Variants in EPHA5 observed in about 807,000 individuals in gnomAD.
EPHA5 encodes EPH receptor A5.
Under a neutral mutation model 105.0 loss-of-function variants are expected in EPHA5, and 60 were observed. The ratio of observed to expected loss-of-function variants is 0.57; its 90% confidence interval spans 0.46 to 0.71. The LOEUF (loss-of-function observed/expected upper bound fraction) is 0.71. Among genes scored for constraint, EPHA5 ranks in the 30% least tolerant of loss-of-function variants. The pLI is 0.00. For synonymous variants in EPHA5, 513 were observed against 449.1 expected, an observed-to-expected ratio of 1.14 and a Z score of -1.80; for missense variants, 1,218 against 1,274.7, an observed-to-expected ratio of 0.96 and a Z score of 0.68.
chr4:65,602,422 A>G, intron 2 of EPHA5, 118 bp from the exon 3 acceptor site: 1 of 746,498 alleles, frequency 1.3e-6, no homozygotes, highest in Non-Finnish European at 2.0e-6. Flanking sequence ...TATCCTCAAT[A>G]TGTGATATTT....
chr4:65,599,348 A>AACACACACACACACAC (rs71657190), intron 3 of EPHA5, among the ~76,000 whole-genome samples: 127 of 148,676 alleles, frequency 8.5e-4, no homozygotes, highest in East Asian at 3.2e-3. Context: ...GGCATTTTAT[A>AACACACACACACACAC]ACACACACAC....
chr4:65,573,375 C>A, intron 3 of EPHA5: 1 of 774,420 alleles, frequency 1.3e-6, no homozygotes, highest in Admixed American at 3.4e-5. Flanking sequence ...TGCGCCACTG[C>A]ACTCCAGCCT....
chr4:65,371,962 G>A lies in EPHA5; in HGVS notation c.1794-4538C>T, dbSNP rs114627019. Among the ~76,000 whole-genome samples, 840 of 151,880 alleles carry A rather than the reference G, an allele frequency of 5.5e-3. 11 individuals carry two copies. The highest frequency in any genetic ancestry group is 0.019 in the African/African-American group (804 of 41,480). ...CTATTTTCCAGATTGATTAAGAGAC[G>A]CTTTTCCTATATATTGAAGCAAAAA... On this transcript the variant is annotated intron_variant, in intron 8 of 16. Coordinates refer to ENST00000613740, the MANE Select transcript of EPHA5 (RefSeq NM_001281766.3).
chr4:65,399,206 G>T (rs929688746), intron 8 of EPHA5, among the ~76,000 whole-genome samples: 2 of 152,150 alleles, frequency 1.3e-5, no homozygotes, highest in Non-Finnish European at 2.9e-5. Context: ...AAAGCTACTT[G>T]CAATGCATCT....
intron 5 of EPHA5, among the ~76,000 whole-genome samples, chr4:65,459,659 A>G (rs961274788): frequency 3.3e-5 from 5 of 151,756 alleles, no homozygotes; most frequent in African/African-American, 1.2e-4. Context: ...AATAATATAC[A>G]TGTGTTTATT....
chr4:65,416,654 C>T (rs1723411866), intron 6 of EPHA5, among the ~76,000 whole-genome samples: 2 of 152,136 alleles, frequency 1.3e-5, no homozygotes, highest in Admixed American at 6.5e-5. Flanking sequence ...AAGGTGTGAT[C>T]TAATATCAAT....
At chr4:65,534,159 C>G (rs1394048449) in intron 3 of EPHA5, among the ~76,000 whole-genome samples, 1 of 152,042 alleles carries the variant, frequency 6.6e-6, no homozygotes, top group East Asian at 1.9e-4. Flanking sequence ...GTGGATCATA[C>G]TTTTCAAGTA....
intron 5 of EPHA5, among the ~76,000 whole-genome samples, chr4:65,426,241 T>C (rs1424509908): frequency 6.6e-6 from 1 of 152,174 alleles, no homozygotes; most frequent in Non-Finnish European, 1.5e-5. Flanking sequence ...ATTTTCCCTT[T>C]CATGGACATG....
chr4:65,497,122 C>A (rs1413319284), intron 3 of EPHA5, among the ~76,000 whole-genome samples: 1 of 152,078 alleles, frequency 6.6e-6, no homozygotes, highest in African/African-American at 2.4e-5. Flanking sequence ...TAAAGCTAAT[C>A]AACTACTTTT....
At chr4:65,664,972 C>A (rs1002412302) in intron 1 of EPHA5, among the ~76,000 whole-genome samples, 12 of 151,582 alleles carry the variant, frequency 7.9e-5, no homozygotes, top group Admixed American at 6.6e-4. Context: ...AAGTAGGTAC[C>A]CCTGCTAACT....
At chr4:65,645,218 T>C (rs1748016247) in intron 1 of EPHA5, among the ~76,000 whole-genome samples, 1 of 152,124 alleles carries the variant, frequency 6.6e-6, no homozygotes, top group South Asian at 2.1e-4. Flanking sequence ...CTTGTCCTCA[T>C]TTTAGTTTTT....
rs1461468688 is a variant in EPHA5, at chr4:65,348,657, GAGATATATAT to G, written c.2446-464_2446-455del. Among the ~76,000 whole-genome samples the G allele has an allele frequency of 2.2e-4, 6 of 27,358 alleles. 1 individual carries two copies. The Admixed American group carries it at 2.9e-3, about 13-fold the overall frequency. 17.9% of individuals were successfully genotyped at this position (27,358 alleles called of 152,430 possible). A position where few individuals can be genotyped will look rare whatever the true frequency, so the allele number is the denominator to read the frequency against. ...GTTAATAAGAAAAGCATAAACATTG[GAGATATATAT>G]ATATATATATATATATATATATATA... On this transcript the variant is annotated intron_variant, in intron 13 of 16. Transcript: ENST00000613740.
chr4:65,423,648 C>A (rs1235255971), intron 5 of EPHA5, among the ~76,000 whole-genome samples: 5 of 150,734 alleles, frequency 3.3e-5, no homozygotes, highest in African/African-American at 1.2e-4. Context: ...TTGATATACC[C>A]CCATCATTAT....
chr4:65,570,077 A>C (rs1578448726), intron 3 of EPHA5, among the ~76,000 whole-genome samples: 1 of 151,794 alleles, frequency 6.6e-6, no homozygotes, highest in South Asian at 2.1e-4. Flanking sequence ...ATGAGAAAAG[A>C]AGCTAGATCA....
intron 3 of EPHA5, among the ~76,000 whole-genome samples, chr4:65,550,991 A>G (rs1192266561): frequency 6.6e-6 from 1 of 151,852 alleles, no homozygotes; most frequent in Non-Finnish European, 1.5e-5. Flanking sequence ...ACTGCTATGT[A>G]TTTGTGCATT....
chr4:65,623,838 A>G (rs1019218806), intron 2 of EPHA5, among the ~76,000 whole-genome samples: 3 of 152,308 alleles, frequency 2.0e-5, no homozygotes, highest in African/African-American at 7.2e-5. Context: ...GTTATACAGG[A>G]TATGTGTCTC....
chr4:65,517,506 C>T (rs193023182), intron 3 of EPHA5, among the ~76,000 whole-genome samples: 1 of 151,608 alleles, frequency 6.6e-6, no homozygotes, highest in Non-Finnish European at 1.5e-5. Context: ...TAGAATTAAG[C>T]CAGTTATCAT....
intron 6 of EPHA5, among the ~76,000 whole-genome samples, chr4:65,415,616 T>C (rs1189583161): frequency 6.6e-6 from 1 of 152,042 alleles, no homozygotes; most frequent in Non-Finnish European, 1.5e-5. Context: ...ATTTTCTGAT[T>C]CATCCTAGGC....
intron 11 of EPHA5, among the ~76,000 whole-genome samples, chr4:65,353,845 A>AC (rs968917271): frequency 6.6e-6 from 1 of 151,660 alleles, no homozygotes; most frequent in Non-Finnish European, 1.5e-5. Context: ...ATCTCGATTA[A>AC]CCCCACTTTT....
Sources: allele counts gnomAD v4.1 joint callset (sites outside exome capture counted in the v4.1 genomes callset), GRCh38; gene constraint gnomAD v4.1.1; transcripts MANE v1.5; gene names NCBI Gene and HGNC (gene_info 2026-07-23, HGNC 2026-07-21).